SMOC2: variants seen among roughly 807,000 people sequenced by gnomAD.
The protein encoded by SMOC2 is SPARC related modular calcium binding 2.
SMOC2 carries 39 observed loss-of-function variants against 61.4 expected under a neutral mutation model. That is an observed-to-expected ratio of 0.64 (90% CI 0.49 to 0.83). SMOC2 has a LOEUF of 0.83. Ranked by LOEUF, SMOC2 falls within the 40% of genes least tolerant of loss-of-function variation. The pLI, the probability that SMOC2 is intolerant of heterozygous loss-of-function variation, is 0.00. For synonymous variants in SMOC2, 247 were observed against 239.9 expected (o/e 1.03, Z -0.27); for missense variants, 556 against 592.9 (o/e 0.94, Z 0.65).
chr6:168,621,184 A>G (rs1786235568), intron 9 of SMOC2, among the ~76,000 whole-genome samples: 1 of 152,228 alleles, frequency 6.6e-6, no homozygotes, highest in Admixed American at 6.5e-5. Flanking sequence ...TCGCTTTGAG[A>G]AATTCCTGAG....
At chr6:168,645,733 G>T (rs1787012361) in intron 9 of SMOC2, among the ~76,000 whole-genome samples, 1 of 152,158 alleles carries the variant, frequency 6.6e-6, no homozygotes, top group Non-Finnish European at 1.5e-5. Flanking sequence ...GAGAGAAGCG[G>T]TTTCCCCCCA....
chr6:168,477,386 T>C (rs140697224), intron 1 of SMOC2, among the ~76,000 whole-genome samples: 3 of 152,346 alleles, frequency 2.0e-5, no homozygotes, highest in African/African-American at 7.2e-5. Context: ...AAAGGTATAT[T>C]TGGGCTTGTA....
At chr6:168,558,414 C>G (rs1242301967) in intron 7 of SMOC2, among the ~76,000 whole-genome samples, 1 of 152,158 alleles carries the variant, frequency 6.6e-6, no homozygotes, top group Non-Finnish European at 1.5e-5. Flanking sequence ...CCATCAGTCC[C>G]CCTGGAACCT....
chr6:168,568,223 T>A (rs1317443255), intron 7 of SMOC2, among the ~76,000 whole-genome samples: 3 of 152,186 alleles, frequency 2.0e-5, no homozygotes, highest in Non-Finnish European at 2.9e-5. Context: ...ATGGTGTGAG[T>A]CGGTGTCTCA....
intron 7 of SMOC2, among the ~76,000 whole-genome samples, chr6:168,598,381 G>C (rs1293462654): frequency 6.6e-6 from 1 of 152,190 alleles, no homozygotes; most frequent in East Asian, 1.9e-4. Context: ...CCTTGCCCTG[G>C]GGCCCGCTCT....
chr6:168,584,253 C>T (rs187762822), intron 7 of SMOC2, among the ~76,000 whole-genome samples: 179 of 152,332 alleles, frequency 1.2e-3, no homozygotes, highest in African/African-American at 4.0e-3. Context: ...GCTCCTCCTG[C>T]GGACTAGACT....
chr6:168,441,322 C>T lies in SMOC2; in HGVS notation c.-49C>T, dbSNP rs549638324. ...CCACTGGGCTCTCCCGGCTGCAGTG[C>T]CAGGGCGCAGGACGCGGCCGATCTC... On this transcript the variant is annotated 5_prime_UTR_variant, in exon 1 of 13. Transcript: ENST00000356284. The T allele has an allele frequency of 2.6e-3, 3,868 of 1,488,070 alleles. 11 individuals carry two copies. Among genetic ancestry groups the T allele is most frequent in the South Asian group, 3.3e-3 (258 of 79,248 alleles). The allele number at this position is 1,488,070 out of a possible 1,614,324, so 92.2% of individuals were successfully genotyped here.
chr6:168,558,873 G>GTA (rs1784317165), intron 7 of SMOC2, among the ~76,000 whole-genome samples: 1 of 149,364 alleles, frequency 6.7e-6, no homozygotes, highest in Non-Finnish European at 1.5e-5. Context: ...GTGTGTGCAT[G>GTA]TGTGTGCGTG....
intron 1 of SMOC2, among the ~76,000 whole-genome samples, chr6:168,482,516 A>G (rs1316697532): frequency 6.6e-6 from 1 of 152,076 alleles, no homozygotes; most frequent in Non-Finnish European, 1.5e-5. Context: ...TCCTTCTTGA[A>G]TGATTTAAGA....
intron 9 of SMOC2, among the ~76,000 whole-genome samples, chr6:168,635,829 C>G (rs1786701319): frequency 6.6e-6 from 1 of 150,718 alleles, no homozygotes; most frequent in Admixed American, 6.6e-5. Flanking sequence ...TGAGATCGCA[C>G]CACTGCACTC....
intron 9 of SMOC2, among the ~76,000 whole-genome samples, chr6:168,640,923 T>C (rs182522865): frequency 2.6e-5 from 4 of 152,312 alleles, no homozygotes; most frequent in African/African-American, 9.6e-5. Context: ...GCTTTGCATA[T>C]TTGGTGTCCT....
At chr6:168,528,340 G>A (rs560834808) in intron 4 of SMOC2, among the ~76,000 whole-genome samples, 3 of 147,392 alleles carry the variant, frequency 2.0e-5, no homozygotes, top group Non-Finnish European at 4.5e-5. Context: ...TGCAGCCCAA[G>A]TTTGATTAAT....
intron 8 of SMOC2, among the ~76,000 whole-genome samples, chr6:168,604,654 G>A (rs1785640929): frequency 6.6e-6 from 1 of 152,162 alleles, no homozygotes; most frequent in African/African-American, 2.4e-5. Context: ...ATTTCCTGAT[G>A]GGGAAGAAAC....
chr6:168,524,688 T>G (rs1412326745), intron 2 of SMOC2, among the ~76,000 whole-genome samples: 1 of 152,384 alleles, frequency 6.6e-6, no homozygotes, highest in East Asian at 1.9e-4. Context: ...CAGTGATTTC[T>G]CCTCAGCTAA....
rs192345640 is a variant in SMOC2 at position 168,666,725 on chromosome 6, C to T, written c.*287C>T. 103 of 462,974 alleles carry T rather than the reference C, an allele frequency of 2.2e-4. No individual in the cohort carries two copies. Among genetic ancestry groups the T allele is most frequent in the African/African-American group, 1.9e-3 (96 of 50,908 alleles). 28.7% of individuals were successfully genotyped at this position (462,974 alleles called of 1,614,324 possible). On this transcript the variant is annotated 3_prime_UTR_variant, in exon 13 of 13. Transcript: ENST00000356284. ...ATTTAGGCTTAATTTCTTCGCCTTCCACATGTTAACAGTAGAGCTCTATGC... is the reference window on the plus strand; with the variant it reads ...ATTTAGGCTTAATTTCTTCGCCTTCTACATGTTAACAGTAGAGCTCTATGC...
At chr6:168,620,584 C>T (rs956392749) in intron 9 of SMOC2, among the ~76,000 whole-genome samples, 5 of 152,178 alleles carry the variant, frequency 3.3e-5, no homozygotes, top group Non-Finnish European at 5.9e-5. Flanking sequence ...TTCTTGTAAA[C>T]TCTTTTCCAG....
At position 168,465,168 on chromosome 6, in the gene SMOC2, C is replaced by T. The variant is rs562291708; in HGVS notation, c.84+23714C>T. On this transcript the variant is annotated intron_variant, in intron 1 of 12. Coordinates refer to ENST00000356284, the MANE Select transcript of SMOC2 (RefSeq NM_001166412.2). ...TTGCCAAGGCTTCAACACACACATT[C>T]CTTTCTCTTTTTAACAACAAAATGA... Among the ~76,000 whole-genome samples, 9 of 152,344 alleles carry T rather than the reference C, an allele frequency of 5.9e-5. No individual in the cohort carries two copies. The East Asian group carries it at 9.6e-4, about 16-fold the overall frequency.
chr6:168,582,976 G>A (rs1218086646), intron 7 of SMOC2, among the ~76,000 whole-genome samples: 1 of 151,542 alleles, frequency 6.6e-6, no homozygotes, highest in Non-Finnish European at 1.5e-5. Flanking sequence ...ACTCACGCCA[G>A]ACTCGTCCAG....
At position 168,621,275 on chromosome 6, in the gene SMOC2, G is replaced by A. The variant is rs143476447; in HGVS notation, c.907+13036G>A. Among the ~76,000 whole-genome samples the A allele has an allele frequency of 6.0e-4, 91 of 152,224 alleles. 1 individual carries two copies. The highest frequency in any genetic ancestry group is 2.0e-3 in the African/African-American group (84 of 41,544). On this transcript the variant is annotated intron_variant, in intron 9 of 12. Transcript: ENST00000356284. ...TCCTATTTATGCATCTTTTCTCTAC[G>A]CTTTTCCTGATGTAATCAACTTACT...
Sources: allele counts gnomAD v4.1 joint callset (sites outside exome capture counted in the v4.1 genomes callset), GRCh38; gene constraint gnomAD v4.1.1; transcripts MANE v1.5; gene names NCBI Gene and HGNC (gene_info 2026-07-23, HGNC 2026-07-21).